The following MAGI2 variants were observed in gnomAD, a reference collection of about 807,000 sequenced individuals.
MAGI2 encodes membrane-associated guanylate kinase, WW and PDZ domain-containing protein 2.
Under a neutral mutation model 133.3 loss-of-function variants are expected in MAGI2, and 35 were observed. The observed-to-expected ratio is 0.26, with a 90% CI of 0.20 to 0.35. The LOEUF (loss-of-function observed/expected upper bound fraction) is 0.35, where lower values mean the gene tolerates loss of function less well. Ranked by LOEUF, MAGI2 falls within the 10% of genes least tolerant of loss-of-function variation. The pLI is 1.00. For missense variants in MAGI2, 1,636 were observed against 1,863.4 expected (o/e 0.88, Z 2.25); for synonymous variants, 729 against 710.6 (o/e 1.03, Z -0.41).
intron 1 of MAGI2, among the ~76,000 whole-genome samples, chr7:79,328,454 A>T (rs1839853486): frequency 6.6e-6 from 1 of 152,154 alleles, no homozygotes; most frequent in South Asian, 2.1e-4. Flanking sequence ...CCAATTATGC[A>T]CTAAGATTAG....
chr7:79,364,388 T>C (rs1192949058), intron 1 of MAGI2, among the ~76,000 whole-genome samples: 3 of 152,098 alleles, frequency 2.0e-5, no homozygotes, highest in African/African-American at 7.2e-5. Context: ...GTAATACATA[T>C]GTTAATTAGC....
chr7:78,389,880 A>C (rs1464972880), intron 6 of MAGI2, among the ~76,000 whole-genome samples: 1 of 152,228 alleles, frequency 6.6e-6, no homozygotes, highest in Non-Finnish European at 1.5e-5. Flanking sequence ...CAAAACCATT[A>C]AAGGTTTAGT....
chr7:78,131,456 A>G (rs1278211336), intron 18 of MAGI2, among the ~76,000 whole-genome samples: 2 of 152,226 alleles, frequency 1.3e-5, no homozygotes, highest in African/African-American at 4.8e-5. Flanking sequence ...GAACCCAGAG[A>G]GTTCTGGGAA....
chr7:79,132,901 G>C (rs956796695), intron 1 of MAGI2, among the ~76,000 whole-genome samples: 1 of 152,126 alleles, frequency 6.6e-6, no homozygotes, highest in Non-Finnish European at 1.5e-5. Flanking sequence ...CTGATGATTA[G>C]TGATGCTGAG....
chr7:79,139,639 G>C (rs947446072), intron 1 of MAGI2, among the ~76,000 whole-genome samples: 7 of 152,098 alleles, frequency 4.6e-5, no homozygotes, highest in Non-Finnish European at 1.0e-4. Context: ...AGGAAGCAAG[G>C]GGTAAATTTG....
chr7:78,859,766 C>A (rs1036477477), intron 2 of MAGI2, among the ~76,000 whole-genome samples: 2 of 152,094 alleles, frequency 1.3e-5, no homozygotes, highest in African/African-American at 4.8e-5. Flanking sequence ...TCTGTATTTC[C>A]TGAATTTGAA....
intron 1 of MAGI2, among the ~76,000 whole-genome samples, chr7:79,294,030 A>C (rs1585460025): frequency 6.6e-6 from 1 of 152,170 alleles, no homozygotes. Flanking sequence ...TTAAAATATA[A>C]AAATTAGCCA....
chr7:78,478,916 G>C (rs550660467), intron 6 of MAGI2, among the ~76,000 whole-genome samples: 19 of 152,048 alleles, frequency 1.2e-4, no homozygotes, highest in African/African-American at 4.6e-4. Context: ...GAAAGGGGGA[G>C]AGTAACTGGG....
intron 16 of MAGI2, among the ~76,000 whole-genome samples, chr7:78,142,664 C>T (rs915717452): frequency 1.3e-5 from 2 of 152,098 alleles, no homozygotes; most frequent in African/African-American, 4.8e-5. Context: ...TAAGATAGAT[C>T]ACGGTATTTC....
intron 1 of MAGI2, among the ~76,000 whole-genome samples, chr7:79,424,253 T>C (rs1028167210): frequency 7.1e-6 from 1 of 140,230 alleles, no homozygotes; most frequent in Non-Finnish European, 1.5e-5. Flanking sequence ...TGGCAGATTT[T>C]TCTTTTCTTT....
chr7:78,547,015 A>G (rs144183606), intron 3 of MAGI2, among the ~76,000 whole-genome samples: 325 of 152,340 alleles, frequency 2.1e-3, no homozygotes, highest in Non-Finnish European at 3.4e-3. Context: ...TTAATTGTAC[A>G]GTAAGTTCTC....
intron 7 of MAGI2, among the ~76,000 whole-genome samples, chr7:78,347,675 G>A (rs1012988677): frequency 3.9e-5 from 6 of 152,156 alleles, no homozygotes; most frequent in African/African-American, 7.2e-5. Context: ...CTTTACTGGG[G>A]AACTTCAGAA....
intron 9 of MAGI2, among the ~76,000 whole-genome samples, chr7:78,265,063 T>C (rs1186821543): frequency 6.6e-6 from 1 of 151,276 alleles, no homozygotes; most frequent in Non-Finnish European, 1.5e-5. Context: ...CCAGTGCAGA[T>C]GCTTAATTAA....
intron 9 of MAGI2, among the ~76,000 whole-genome samples, chr7:78,319,789 G>A (rs1247971379): frequency 6.6e-6 from 1 of 152,156 alleles, no homozygotes; most frequent in South Asian, 2.1e-4. Context: ...GAGCAGAACT[G>A]AAGGAGATAG....
intron 21 of MAGI2, among the ~76,000 whole-genome samples, chr7:78,038,415 A>G (rs1490757599): frequency 3.5e-5 from 1 of 28,348 alleles, no homozygotes; most frequent in Admixed American, 2.7e-4. Flanking sequence ...TTTTTAATTA[A>G]CTTTAATTTT....
chr7:78,605,572 G>A (rs1219754036), intron 3 of MAGI2, among the ~76,000 whole-genome samples: 1 of 152,136 alleles, frequency 6.6e-6, no homozygotes, highest in East Asian at 1.9e-4. Flanking sequence ...CAAAAAAACT[G>A]CCAAATCAAA....
chr7:78,327,688 C>T (rs1310795823), intron 9 of MAGI2, among the ~76,000 whole-genome samples: 3 of 152,138 alleles, frequency 2.0e-5, no homozygotes, highest in Non-Finnish European at 4.4e-5. Flanking sequence ...TCAATATCCC[C>T]TGATAAGGTT....
intron 2 of MAGI2, among the ~76,000 whole-genome samples, chr7:78,696,820 CTTT>C (rs1208729986): frequency 1.3e-5 from 2 of 152,142 alleles, no homozygotes; most frequent in East Asian, 3.9e-4. Context: ...CTTCATTCTT[CTTT>C]GAGATTTATT....
At chr7:78,389,785 T>G (rs1795735211) in intron 6 of MAGI2, among the ~76,000 whole-genome samples, 1 of 152,200 alleles carries the variant, frequency 6.6e-6, no homozygotes, top group African/African-American at 2.4e-5. Context: ...TCTATAAAGC[T>G]AATTTCCTAA....
Sources: gnomAD v4.1 joint callset for allele counts (sites outside exome capture counted in the v4.1 genomes callset) on GRCh38, gnomAD v4.1.1 for gene constraint, MANE v1.5 for transcripts, NCBI Gene and HGNC (gene_info 2026-07-23, HGNC 2026-07-21) for gene names.